The following GLIS3 variants were observed in gnomAD, a reference collection of about 807,000 sequenced individuals.
GLIS3 encodes zinc finger protein GLIS3.
In GLIS3, 53 loss-of-function variants were observed where a neutral mutation model predicts 78.6. That is an observed-to-expected ratio of 0.67 (90% confidence interval 0.54 to 0.85). The LOEUF (loss-of-function observed/expected upper bound fraction) is 0.85. Among genes scored for constraint, GLIS3 ranks in the 40% least tolerant of loss-of-function variants. GLIS3 has a pLI of 0.00. For synonymous variants in GLIS3, 684 were observed against 509.9 expected (o/e 1.34, Z -4.60); for missense variants, 1,703 against 1,231.1 (o/e 1.38, Z -5.74).
At chr9:3,946,792 T>C (rs995237212) in intron 4 of GLIS3, among the ~76,000 whole-genome samples, 4 of 152,190 alleles carry the variant, frequency 2.6e-5, no homozygotes, top group Admixed American at 1.3e-4. Context: ...TGCCTTCTCA[T>C]ACATAAAGGA....
intron 2 of GLIS3, among the ~76,000 whole-genome samples, chr9:4,219,730 A>T (rs1821153989): frequency 1.3e-5 from 2 of 152,204 alleles, no homozygotes; most frequent in Admixed American, 6.5e-5. Context: ...CAAATAGTGC[A>T]ACTGAGCTGG....
chr9:3,947,856 A>G (rs905389898), intron 4 of GLIS3, among the ~76,000 whole-genome samples: 1 of 152,226 alleles, frequency 6.6e-6, no homozygotes, highest in African/African-American at 2.4e-5. Context: ...AGTGGCAGAG[A>G]TATTTTCCTG....
At chr9:3,846,434 C>CT (rs1353819825) in intron 9 of GLIS3, among the ~76,000 whole-genome samples, 3 of 152,262 alleles carry the variant, frequency 2.0e-5, no homozygotes, top group Admixed American at 1.3e-4. Context: ...ATCTGATACA[C>CT]AGTAGAAAAA....
chr9:4,229,878 C>T (rs1320744478), intron 2 of GLIS3, among the ~76,000 whole-genome samples: 1 of 152,196 alleles, frequency 6.6e-6, no homozygotes, highest in African/African-American at 2.4e-5. Context: ...TAATATTATT[C>T]TCCCTAGCTT....
intron 4 of GLIS3, among the ~76,000 whole-genome samples, chr9:3,996,966 A>T (rs1254453489): frequency 1.3e-5 from 2 of 152,222 alleles, no homozygotes; most frequent in African/African-American, 4.8e-5. Flanking sequence ...ACGCTTAAGG[A>T]GAAAAAATAC....
At chr9:4,093,005 G>T (rs559567652) in intron 4 of GLIS3, among the ~76,000 whole-genome samples, 4 of 152,298 alleles carry the variant, frequency 2.6e-5, no homozygotes, top group African/African-American at 9.6e-5. Flanking sequence ...GTAGGTGATA[G>T]GAATTTTTCA....
chr9:4,316,693 C>T (rs1357358825), intron 2 of GLIS3, among the ~76,000 whole-genome samples: 1 of 152,162 alleles, frequency 6.6e-6, no homozygotes, highest in Non-Finnish European at 1.5e-5. Context: ...GCAGCCTGCC[C>T]AGAGTTGGTT....
the GLIS3 span, among the ~76,000 whole-genome samples, chr9:4,462,240 C>T: frequency 1.3e-5 from 2 of 152,170 alleles, no homozygotes; most frequent in African/African-American, 2.4e-5. Flanking sequence ...GATCTGTAAA[C>T]TTTTTCACCA....
At chr9:4,062,526 T>C (rs1350250903) in intron 4 of GLIS3, among the ~76,000 whole-genome samples, 2 of 152,214 alleles carry the variant, frequency 1.3e-5, no homozygotes, top group African/African-American at 4.8e-5. Flanking sequence ...CTGTATGATC[T>C]AGGTTAAGGC....
chr9:4,121,116 C>T (rs1297672464), intron 3 of GLIS3, among the ~76,000 whole-genome samples: 1 of 152,212 alleles, frequency 6.6e-6, no homozygotes, highest in Non-Finnish European at 1.5e-5. Flanking sequence ...TCTCTTCTAT[C>T]TCAAACACCT....
Position 4,033,900 on chromosome 9 carries a change from G to C in GLIS3, c.1710+83868C>G, listed in dbSNP as rs572668793. On this transcript the variant is annotated intron_variant, in intron 4 of 10. Coordinates refer to ENST00000381971, the MANE Select transcript of GLIS3 (RefSeq NM_001042413.2). ...AAAAAAAAAAAAAAAACTAGAATGAGATAGGTCCTATCTGCATTTCTGGGT... is the reference window on the plus strand; with the variant it reads ...AAAAAAAAAAAAAAAACTAGAATGACATAGGTCCTATCTGCATTTCTGGGT... 4.5e-4 allele frequency among the ~76,000 whole-genome samples: 60 copies of C among 134,590 alleles called. 1 individual carries two copies. Among genetic ancestry groups the C allele is most frequent in the African/African-American group, 1.7e-3 (60 of 35,448 alleles). 88.3% of individuals were successfully genotyped at this position (134,590 alleles called of 152,430 possible). A position where few individuals can be genotyped will look rare whatever the true frequency, so the allele number is the denominator to read the frequency against.
At chr9:4,482,625 C>G in the GLIS3 span, among the ~76,000 whole-genome samples, 1 of 152,172 alleles carries the variant, frequency 6.6e-6, no homozygotes, top group Non-Finnish European at 1.5e-5. Context: ...GCAACTATTT[C>G]TAGAGATACT....
At chr9:4,278,983 A>G (rs1241044236) in intron 2 of GLIS3, among the ~76,000 whole-genome samples, 1 of 152,204 alleles carries the variant, frequency 6.6e-6, no homozygotes, top group African/African-American at 2.4e-5. Context: ...AGTGTGGAAC[A>G]AGACAACTCA....
intron 2 of GLIS3, among the ~76,000 whole-genome samples, chr9:4,321,208 CAGG>C (rs2130546412): frequency 6.8e-6 from 1 of 147,826 alleles, no homozygotes; most frequent in East Asian, 2.0e-4. Context: ...ATCACAAGGT[CAGG>C]AGATCGAGAC....
At chr9:4,391,238 A>T in the GLIS3 span, among the ~76,000 whole-genome samples, 1 of 152,162 alleles carries the variant, frequency 6.6e-6, no homozygotes, top group Non-Finnish European at 1.5e-5. Flanking sequence ...CAGTGGGGAC[A>T]TGGGGGGTAC....
rs115487866 is a variant in GLIS3 at position 3,905,867 on chromosome 9, C to T, written c.1984-7032G>A. 4.8e-3 allele frequency among the ~76,000 whole-genome samples: 726 copies of T among 152,242 alleles called. 4 individuals are homozygous for T. The highest frequency in any genetic ancestry group is 0.01 in the Middle Eastern group (3 of 294). On this transcript the variant is annotated intron_variant, in intron 6 of 10. Transcript: ENST00000381971. ...TCATTTTTTTGGTCCTCACTCCTTC[C>T]AGAGAGCTCAGTCATACTCTGTAGG...
At chr9:4,209,223 A>G (rs1033616751) in intron 2 of GLIS3, among the ~76,000 whole-genome samples, 8 of 152,178 alleles carry the variant, frequency 5.3e-5, no homozygotes, top group African/African-American at 1.9e-4. Context: ...ACGTAAAATT[A>G]CCCTGAGTTC....
intron 8 of GLIS3, among the ~76,000 whole-genome samples, chr9:3,857,954 T>C (rs901234851): frequency 1.3e-5 from 2 of 152,172 alleles, no homozygotes; most frequent in Admixed American, 6.5e-5. Context: ...TCATAGACTT[T>C]AGGGGCAGAA....
At chr9:4,189,757 T>G (rs1252987905) in intron 2 of GLIS3, among the ~76,000 whole-genome samples, 1 of 152,238 alleles carries the variant, frequency 6.6e-6, no homozygotes, top group Non-Finnish European at 1.5e-5. Flanking sequence ...AATGGCCTTC[T>G]TTGTCTCTTT....
Sources: allele counts gnomAD v4.1 joint callset (sites outside exome capture counted in the v4.1 genomes callset), GRCh38; gene constraint gnomAD v4.1.1; transcripts MANE v1.5; gene names NCBI Gene and HGNC (gene_info 2026-07-23, HGNC 2026-07-21).